CRYAB: variants seen among roughly 807,000 people sequenced by gnomAD.
The protein encoded by CRYAB is alpha-crystallin B chain.
Under a neutral mutation model 12.7 loss-of-function variants are expected in CRYAB, and 9 were observed. The ratio of observed to expected loss-of-function variants is 0.71; its 90% CI spans 0.43 to 1.24. CRYAB has a LOEUF of 1.24. CRYAB is among the 50% of genes most tolerant of loss of function. CRYAB has a pLI of 0.00. For synonymous variants in CRYAB, 93 were observed against 86.8 expected, an observed-to-expected ratio of 1.07 and a Z score of -0.40; for missense variants, 183 against 226.6, an observed-to-expected ratio of 0.81 and a Z score of 1.24.
intron 1 of CRYAB, 150 bp from the exon 2 acceptor site, chr11:111,910,599 T>C: frequency 3.0e-6 from 3 of 1,004,986 alleles, no homozygotes; most frequent in Non-Finnish European, 4.5e-6. Flanking sequence ...TAAATAAACA[T>C]AGCTGTCTGC....
chr11:111,912,516 G>T, upstream of CRYAB: 1 of 472,328 alleles, frequency 2.1e-6, no homozygotes, highest in East Asian at 3.8e-5. Flanking sequence ...TCATGCCCCA[G>T]GCACCACCAG....
chr11:111,913,797 C>T (rs781799087), upstream of CRYAB: 5 of 1,614,130 alleles, frequency 3.1e-6, no homozygotes, highest in South Asian at 3.3e-5. Context: ...TCGGGGTGGC[C>T]GACATTTGGA....
At chr11:111,912,751 C>A (rs1555165734), upstream of CRYAB, 1 of 1,055,166 alleles carries the variant, frequency 9.5e-7, no homozygotes, top group Non-Finnish European at 1.4e-6. Context: ...CGAGCCCTGG[C>A]TCTCCGGGCA....
In CRYAB at chr11:111,922,952, C is replaced by T. The variant is rs1037730311; in HGVS notation, c.-199+751G>A. On this transcript the variant is annotated intron_variant, in intron 1 of 3. Coordinates refer to the CRYAB transcript ENST00000527950. ...CTTAAATCTAAAAATAAAATCCCATCGCCTGTGTATCTAAATGAATACTCA... is the reference window on the plus strand; with the variant it reads ...CTTAAATCTAAAAATAAAATCCCATTGCCTGTGTATCTAAATGAATACTCA... Among the ~76,000 whole-genome samples the T allele has an allele frequency of 5.9e-5, 9 of 152,274 alleles. No individual in the cohort carries two copies. The East Asian group carries it at 1.7e-3, about 29-fold the overall frequency.
In CRYAB at chr11:111,920,851, T is replaced by C. The variant is rs587695721; in HGVS notation, c.-199+2852A>G. 3.9e-5 allele frequency among the ~76,000 whole-genome samples: 6 copies of C among 152,370 alleles called. No homozygotes were observed. In the South Asian group the frequency reaches 1.2e-3, roughly 32 times the overall value. The stretch of plus-strand genomic sequence containing the variant: ...GAATATGACTTTCACACTTATTTAC[T>C]ATGTGACCATAGGTAATAAGTCCCT... On this transcript the variant is annotated intron_variant, in intron 1 of 3. Transcript: ENST00000527950.
upstream of CRYAB, among the ~76,000 whole-genome samples, chr11:111,916,739 G>A (rs1286983112): frequency 2.6e-5 from 4 of 152,046 alleles, no homozygotes; most frequent in Non-Finnish European, 5.9e-5. Context: ...GCTGCTTTAG[G>A]CATATGAGGT....
At chr11:111,909,869 G>A in intron 2 of CRYAB, 1 of 434,928 alleles carries the variant, frequency 2.3e-6, no homozygotes, top group South Asian at 2.9e-5. Flanking sequence ...CCTAATCAGT[G>A]GTTCTCAACC....
At chr11:111,909,414 C>A (rs1592507013) in intron 2 of CRYAB, 1 of 356,116 alleles carries the variant, frequency 2.8e-6, no homozygotes. Context: ...TCCAAGGAGA[C>A]TATGACCCAA....
upstream of CRYAB, among the ~76,000 whole-genome samples, chr11:111,917,646 T>TA (rs1555166195): frequency 6.7e-6 from 1 of 148,458 alleles, no homozygotes; most frequent in African/African-American, 2.5e-5. Flanking sequence ...TCACATTAAT[T>TA]TAAAAAAAAA....
intron 1 of CRYAB, chr11:111,919,075 G>A (rs1555166311): frequency 1.3e-6 from 2 of 1,563,090 alleles, no homozygotes; most frequent in African/African-American, 2.7e-5. Context: ...GAAAATCAGA[G>A]GACCTGGAGA....
intron 1 of CRYAB, chr11:111,918,551 A>T: frequency 2.1e-6 from 1 of 483,594 alleles, no homozygotes; most frequent in Non-Finnish European, 3.7e-6. Context: ...AACTCAGTTA[A>T]ACCTGAGTGG....
At chr11:111,913,621 C>G, upstream of CRYAB, 3 of 1,614,204 alleles carry the variant, frequency 1.9e-6, no homozygotes, top group Non-Finnish European at 2.5e-6. Flanking sequence ...ACTGTGAGGA[C>G]TGTGGATAAC....
intron 1 of CRYAB, chr11:111,919,267 G>C (rs1292892402): frequency 3.8e-5 from 18 of 479,956 alleles, no homozygotes; most frequent in South Asian, 3.6e-4. Flanking sequence ...GAGGTCAGTA[G>C]ATCGAGACCA....
rs1555165263 is a variant in CRYAB, at chr11:111,908,976, A to G, written c.325-9T>C. The G allele has an allele frequency of 1.9e-6, 3 of 1,613,936 alleles. No individual in the cohort carries two copies. The highest frequency in any genetic ancestry group is 1.7e-5 in the Admixed American group (1 of 60,006). ...ATGAAACCATGTTCATCCTAACCCA[A>G]AAGAATGAGGAAAGAGGCAGAGAGA... On this transcript the variant is annotated splice_polypyrimidine_tract_variant and intron_variant, in intron 2 of 2. Coordinates refer to ENST00000650687, the MANE Select transcript of CRYAB (RefSeq NM_001289808.2).
chr11:111,922,256 A>G (rs1157035698), intron 1 of CRYAB, among the ~76,000 whole-genome samples: 1 of 152,208 alleles, frequency 6.6e-6, no homozygotes, highest in Non-Finnish European at 1.5e-5. Context: ...ACACTATACC[A>G]AATAGTCTAA....
upstream of CRYAB, among the ~76,000 whole-genome samples, chr11:111,915,369 A>G (rs908759442): frequency 6.6e-6 from 1 of 152,236 alleles, no homozygotes; most frequent in Non-Finnish European, 1.5e-5. Context: ...AACATTTGAC[A>G]TATTTAACTG....
At chr11:111,914,455 G>A (rs781908699), upstream of CRYAB, among the ~76,000 whole-genome samples, 1 of 152,192 alleles carries the variant, frequency 6.6e-6, no homozygotes, top group African/African-American at 2.4e-5. Context: ...TTTGGCTGGT[G>A]AGAGTTGCCT....
intron 1 of CRYAB, among the ~76,000 whole-genome samples, chr11:111,922,701 A>C (rs1555166633): frequency 6.6e-6 from 1 of 152,208 alleles, no homozygotes; most frequent in Non-Finnish European, 1.5e-5. Context: ...CAGTTACCAA[A>C]TCATGGACCT....
upstream of CRYAB, among the ~76,000 whole-genome samples, chr11:111,917,272 G>A (rs1965610710): frequency 6.6e-6 from 1 of 152,178 alleles, no homozygotes; most frequent in Non-Finnish European, 1.5e-5. Flanking sequence ...ACTGTATCCT[G>A]TAGGTGATAG....
Sources: gnomAD v4.1 joint callset for allele counts (sites outside exome capture counted in the v4.1 genomes callset) on GRCh38, gnomAD v4.1.1 for gene constraint, MANE v1.5 for transcripts, NCBI Gene and HGNC (gene_info 2026-07-23, HGNC 2026-07-21) for gene names.